The following NAV1 variants were observed in gnomAD, a reference collection of about 807,000 sequenced individuals.
NAV1 encodes pore membrane and/or filament interacting like protein 3.
Under a neutral mutation model 175.2 loss-of-function variants are expected in NAV1, and 18 were observed. That is an observed-to-expected ratio of 0.10 (90% confidence interval 0.07 to 0.15). The LOEUF (loss-of-function observed/expected upper bound fraction) is 0.15. Among genes scored for constraint, NAV1 ranks in the 10% least tolerant of loss-of-function variants. The pLI is 1.00. For synonymous variants in NAV1, 897 were observed against 978.7 expected (o/e 0.92, Z 1.56); for missense variants, 1,731 against 2,436.6 (o/e 0.71, Z 6.10).
chr1:201,739,894 A>T, intron 3 of NAV1: 2 of 1,286,180 alleles, frequency 1.6e-6, no homozygotes, highest in East Asian at 6.3e-5. Context: ...AGGGCAGGCG[A>T]GGGTTAGGTT....
chr1:201,593,703 G>A (rs938040003), intron 2 of NAV1, among the ~76,000 whole-genome samples: 5 of 152,144 alleles, frequency 3.3e-5, no homozygotes, highest in African/African-American at 1.2e-4. Context: ...AAGGGAAGGG[G>A]GCAGTTTAGC....
chr1:201,577,073 A>C (rs777370454), intron 1 of NAV1, among the ~76,000 whole-genome samples: 30 of 152,112 alleles, frequency 2.0e-4, no homozygotes, highest in Non-Finnish European at 1.5e-4. Context: ...TCACAACCTC[A>C]ACCTCCTGGC....
chr1:201,588,828 T>C (rs545840514), intron 2 of NAV1, among the ~76,000 whole-genome samples, 179 bp downstream of exon 2: 1 of 152,072 alleles, frequency 6.6e-6, no homozygotes, highest in Non-Finnish European at 1.5e-5. Context: ...ACAAATCAAT[T>C]GTACAATTTA....
chr1:201,655,419 C>A (rs1022468131), intron 1 of NAV1, among the ~76,000 whole-genome samples: 7 of 152,242 alleles, frequency 4.6e-5, no homozygotes, highest in Admixed American at 1.3e-4. Context: ...CCAGAGCCTG[C>A]GGCCTTTTCT....
intron 3 of NAV1, among the ~76,000 whole-genome samples, chr1:201,760,000 C>T (rs1392730440): frequency 1.3e-5 from 2 of 152,152 alleles, no homozygotes; most frequent in Admixed American, 1.3e-4. Flanking sequence ...TACTCCTGCC[C>T]CTGTGGCTGC....
chr1:201,734,199 G>T (rs1672990141), intron 3 of NAV1, among the ~76,000 whole-genome samples: 1 of 152,040 alleles, frequency 6.6e-6, no homozygotes, highest in South Asian at 2.1e-4. Flanking sequence ...CTTGAGCCCA[G>T]GAGTTCGAGA....
intron 1 of NAV1, among the ~76,000 whole-genome samples, chr1:201,709,404 C>T (rs944015313): frequency 1.3e-5 from 2 of 152,158 alleles, no homozygotes; most frequent in African/African-American, 4.8e-5. Context: ...TAAAAATTCA[C>T]CTTCAGGGTC....
In NAV1 at chr1:201,787,819, C is replaced by T. The variant is rs746615005; in HGVS notation, c.2996-649C>T. The T allele has an allele frequency of 2.3e-5, 10 of 426,240 alleles. No homozygotes were observed. The highest frequency in any genetic ancestry group is 4.2e-5 in the Non-Finnish European group (9 of 212,144). The allele number at this position is 426,240 out of a possible 1,614,324, so 26.4% of individuals were successfully genotyped here. On this transcript the variant is annotated intron_variant, in intron 9 of 29. Coordinates refer to ENST00000367296, the Ensembl canonical transcript of NAV1. This position sits in a 1 kb window ranked among gnomAD's most constrained non-coding sequence, Gnocchi z 4.3. ...TTCAGCTGAACCCAGCTTCAAAGCA[C>T]ATTCCACAAGCCTTACCTGACACTT...
At chr1:201,616,860 C>G (rs2102266766) in intron 2 of NAV1, among the ~76,000 whole-genome samples, 1 of 152,304 alleles carries the variant, frequency 6.6e-6, no homozygotes, top group South Asian at 2.1e-4. Context: ...TTCTTCCCCA[C>G]CAGATTGCTA....
chr1:201,604,762 T>C (rs1256933566), intron 2 of NAV1, among the ~76,000 whole-genome samples: 1 of 121,674 alleles, frequency 8.2e-6, no homozygotes, highest in Admixed American at 8.0e-5. Flanking sequence ...GAGAGAGAAA[T>C]AAAGGAAAAG....
At chr1:201,629,902 C>T (rs1441358501) in intron 2 of NAV1, among the ~76,000 whole-genome samples, 2 of 152,200 alleles carry the variant, frequency 1.3e-5, no homozygotes, top group Non-Finnish European at 2.9e-5. Flanking sequence ...GACAACACTT[C>T]CCCTTCCAGG....
At chr1:201,603,574 T>C (rs998373315) in intron 2 of NAV1, among the ~76,000 whole-genome samples, 3 of 152,230 alleles carry the variant, frequency 2.0e-5, no homozygotes, top group Non-Finnish European at 4.4e-5. Flanking sequence ...GTCTTCTACA[T>C]GGTCACGTAG....
At chr1:201,739,573 C>G (rs1438802650) in intron 3 of NAV1, 1 of 161,756 alleles carries the variant, frequency 6.2e-6, no homozygotes, top group East Asian at 1.9e-4. Flanking sequence ...CTCACACCCC[C>G]TCCTGCCAGT....
chr1:201,813,124 C>T lies in NAV1; in HGVS notation c.5222-16C>T. The T allele has an allele frequency of 6.3e-7, 1 of 1,591,388 alleles. No homozygotes were observed. Among genetic ancestry groups the T allele is most frequent in the Non-Finnish European group, 8.6e-7 (1 of 1,159,870 alleles). On this transcript the variant is annotated splice_polypyrimidine_tract_variant and intron_variant, in intron 27 of 29. Transcript: ENST00000367296. This position sits in a 1 kb window ranked among gnomAD's most constrained non-coding sequence, Gnocchi z 4.2. ...TAGGTTCCCAGCCATCTTCATGGCCCCATCCTCTTCCCTAGGCCCTTGCTT... is the reference window on the plus strand; with the variant it reads ...TAGGTTCCCAGCCATCTTCATGGCCTCATCCTCTTCCCTAGGCCCTTGCTT...
chr1:201,786,393 T>TC (rs1260923539), intron 8 of NAV1, 36 bp from the exon 13 acceptor site: 1 of 1,593,746 alleles, frequency 6.3e-7, no homozygotes, highest in African/African-American at 1.3e-5. Flanking sequence ...CCGCACTTGC[T>TC]AGTCCCAGAC....
chr1:201,599,524 G>A (rs1667459938), intron 2 of NAV1, among the ~76,000 whole-genome samples: 1 of 152,176 alleles, frequency 6.6e-6, no homozygotes, highest in African/African-American at 2.4e-5. Flanking sequence ...ACCCACAGGT[G>A]GTACAGAAGA....
At chr1:201,644,231 G>A (rs1668901150), upstream of NAV1, among the ~76,000 whole-genome samples, 1 of 152,204 alleles carries the variant, frequency 6.6e-6, no homozygotes, top group Non-Finnish European at 1.5e-5. Context: ...TTTGAAGCCT[G>A]TCATTCTAGA....
At position 201,783,140 on chromosome 1, in the gene NAV1, T is replaced by C. The variant is rs565075212; in HGVS notation, c.2358-266T>C. 2.4e-3 allele frequency among the ~76,000 whole-genome samples: 360 copies of C among 152,294 alleles called. 17 individuals are homozygous for C. In the South Asian group the frequency reaches 0.072, roughly 31 times the overall value. ...CTGTCTTCAGCACTTGTATGGGTGT[T>C]TTTACTGTTTATTTACACATATATA... On this transcript the variant is annotated intron_variant, in intron 6 of 29. Transcript: ENST00000367296.
chr1:201,818,495 A>G (rs1203322707), intron 29 of NAV1, among the ~76,000 whole-genome samples: 2 of 148,646 alleles, frequency 1.3e-5, no homozygotes, highest in Non-Finnish European at 3.0e-5. Context: ...GCCACTGCAC[A>G]CTCCAGCCTG....
Sources: gnomAD v4.1 joint callset for allele counts (sites outside exome capture counted in the v4.1 genomes callset) on GRCh38, gnomAD v4.1.1 for gene constraint, Gnocchi (gnomAD v3.1) non-coding constraint, MANE v1.5 for transcripts, NCBI Gene and HGNC (gene_info 2026-07-23, HGNC 2026-07-21) for gene names.